Variants in FANK1 observed in about 807,000 individuals in gnomAD.
FANK1 encodes the protein fibronectin type III and ankyrin repeat domains 1.
Under a neutral mutation model 45.3 loss-of-function variants are expected in FANK1, and 44 were observed. That is an observed-to-expected ratio of 0.97 (90% CI 0.76 to 1.25). FANK1 has a LOEUF of 1.25. FANK1 is among the 50% of genes most tolerant of loss of function. The pLI, the probability that FANK1 is intolerant of heterozygous loss-of-function variation, is 0.00. For missense variants in FANK1, 391 were observed against 424.4 expected, an observed-to-expected ratio of 0.92 and a Z score of 0.69; for synonymous variants, 149 against 152.5, an observed-to-expected ratio of 0.98 and a Z score of 0.17.
intron 1 of FANK1, among the ~76,000 whole-genome samples, chr10:125,908,155 C>G (rs567651163): frequency 6.6e-6 from 1 of 152,054 alleles, no homozygotes; most frequent in South Asian, 2.1e-4. Flanking sequence ...CGCCACCACA[C>G]GCAGCTAATT....
At chr10:125,946,474 G>A (rs1948809198) in intron 1 of FANK1, among the ~76,000 whole-genome samples, 1 of 152,140 alleles carries the variant, frequency 6.6e-6, no homozygotes, top group South Asian at 2.1e-4. Context: ...GAAGCCTCAG[G>A]AGCTGATGTG....
chr10:125,996,649 C>T (rs1411028792), intron 5 of FANK1, 25 bp downstream of exon 5: 1 of 1,606,802 alleles, frequency 6.2e-7, no homozygotes, highest in Non-Finnish European at 8.5e-7. Context: ...TTTTTTAAAT[C>T]TCTCTTGGGG....
At chr10:125,932,838 G>A (rs935196144) in intron 1 of FANK1, among the ~76,000 whole-genome samples, 6 of 152,100 alleles carry the variant, frequency 3.9e-5, no homozygotes, top group Non-Finnish European at 8.8e-5. Flanking sequence ...GTTGGCTGTG[G>A]GTTTGTCATT....
At chr10:125,945,361 T>A (rs1948711890) in intron 1 of FANK1, among the ~76,000 whole-genome samples, 1 of 151,936 alleles carries the variant, frequency 6.6e-6, no homozygotes, top group Admixed American at 6.6e-5. Context: ...CACTAGGGAG[T>A]GCCAGACAGT....
intron 1 of FANK1, among the ~76,000 whole-genome samples, chr10:125,924,806 C>CAA (rs58856642): frequency 0.011 from 712 of 66,852 alleles, 1 homozygote; most frequent in African/African-American, 0.019. Flanking sequence ...GACCCCATCT[C>CAA]AAAAAAAAAA....
At position 125,983,434 on chromosome 10, in the gene FANK1, A is replaced by G. The variant is rs1951350113; in HGVS notation, c.191+3096A>G. 6.6e-6 allele frequency among the ~76,000 whole-genome samples: 1 copy of G among 152,190 alleles called. No homozygotes were observed. Among genetic ancestry groups the G allele is most frequent in the African/African-American group, 2.4e-5 (1 of 41,440 alleles). ...TCCCTCATGATGATGAAGGCAAACA[A>G]TAAATAAGATACATAAGTAAAAATA... is the stretch of plus-strand genomic sequence containing the variant. On this transcript the variant is annotated intron_variant, in intron 2 of 10. Transcript: ENST00000368693. The surrounding 1 kb of genome is among the most constrained non-coding windows in gnomAD (Gnocchi z 4.3).
intron 1 of FANK1, among the ~76,000 whole-genome samples, chr10:125,950,959 T>C (rs1290806472): frequency 6.6e-6 from 1 of 150,396 alleles, no homozygotes; most frequent in Non-Finnish European, 1.5e-5. Flanking sequence ...TGGATGAAAT[T>C]GGAAATCATC....
intron 1 of FANK1, among the ~76,000 whole-genome samples, chr10:125,921,125 A>C (rs1186187400): frequency 6.6e-6 from 1 of 152,216 alleles, no homozygotes; most frequent in Non-Finnish European, 1.5e-5. Context: ...TGAACTTTCC[A>C]ATCCGTGAAC....
chr10:125,926,708 C>T (rs1417924174), intron 1 of FANK1, among the ~76,000 whole-genome samples: 1 of 152,126 alleles, frequency 6.6e-6, no homozygotes, highest in East Asian at 1.9e-4. Context: ...TCCATATATT[C>T]ACCTGTCTTT....
At chr10:125,931,615 C>T (rs575515115) in intron 1 of FANK1, among the ~76,000 whole-genome samples, 2 of 152,072 alleles carry the variant, frequency 1.3e-5, no homozygotes, top group Non-Finnish European at 2.9e-5. Flanking sequence ...ATTAGTCCTT[C>T]GTCAGATGTA....
chr10:125,951,721 G>C lies in FANK1; in HGVS notation c.14-28440G>C, dbSNP rs140846912. 3.9e-5 allele frequency among the ~76,000 whole-genome samples: 6 copies of C among 152,162 alleles called. No homozygotes were observed. The East Asian group carries it at 1.2e-3, about 29-fold the overall frequency. ...ATAGGAGTGTTCTTGACATTTTGAG[G>C]CTCCTGCCAATCTTCATTCTTTCAA... is the stretch of plus-strand genomic sequence containing the variant. On this transcript the variant is annotated intron_variant, in intron 1 of 10. Coordinates refer to ENST00000368693, the MANE Select transcript of FANK1 (RefSeq NM_145235.5).
At chr10:125,995,974 A>G (rs1204988482) in intron 4 of FANK1, among the ~76,000 whole-genome samples, 1 of 152,248 alleles carries the variant, frequency 6.6e-6, no homozygotes, top group East Asian at 1.9e-4. Context: ...GATGTTATCT[A>G]GGTTCTTTTT....
At chr10:125,926,542 A>G (rs936778068) in intron 1 of FANK1, among the ~76,000 whole-genome samples, 5 of 152,308 alleles carry the variant, frequency 3.3e-5, no homozygotes, top group Non-Finnish European at 7.3e-5. Context: ...AAATGAAACC[A>G]TACACTGTCT....
At chr10:125,908,618 G>A (rs1353442982) in intron 1 of FANK1, among the ~76,000 whole-genome samples, 7 of 152,098 alleles carry the variant, frequency 4.6e-5, no homozygotes, top group African/African-American at 1.7e-4. Flanking sequence ...GGAGGGGGAT[G>A]AGGGAGAAAA....
chr10:125,978,440 G>A (rs1950985165), intron 1 of FANK1, among the ~76,000 whole-genome samples: 2 of 152,050 alleles, frequency 1.3e-5, no homozygotes, highest in African/African-American at 2.4e-5. Flanking sequence ...GAACAGTAAA[G>A]ATGGTGGCCT....
intron 1 of FANK1, among the ~76,000 whole-genome samples, chr10:125,905,150 A>C (rs1015208595): frequency 0.01 from 254 of 25,232 alleles, no homozygotes; most frequent in Non-Finnish European, 0.016. Context: ...AAAAAAAAAA[A>C]CAAAAAAAAC....
At chr10:125,921,981 T>G (rs1946977668) in intron 1 of FANK1, among the ~76,000 whole-genome samples, 1 of 152,214 alleles carries the variant, frequency 6.6e-6, no homozygotes, top group Non-Finnish European at 1.5e-5. Flanking sequence ...TTAGTCTGTT[T>G]TTCTTATGCC....
intron 1 of FANK1, among the ~76,000 whole-genome samples, chr10:125,967,432 C>CA (rs1950252629): frequency 6.6e-6 from 1 of 152,148 alleles, no homozygotes; most frequent in Non-Finnish European, 1.5e-5. Context: ...AACACTCATA[C>CA]AAAGTCTTGT....
At chr10:126,000,442 A>G (rs115573803) in intron 6 of FANK1, among the ~76,000 whole-genome samples, 2,735 of 152,318 alleles carry the variant, frequency 0.018, 75 homozygotes, top group African/African-American at 0.062. Context: ...ATAGATCCCT[A>G]TCTACGTAAG....
Sources: allele counts gnomAD v4.1 joint callset (sites outside exome capture counted in the v4.1 genomes callset), GRCh38; gene constraint gnomAD v4.1.1; non-coding constraint Gnocchi (gnomAD v3.1); transcripts MANE v1.5; gene names NCBI Gene and HGNC (gene_info 2026-07-23, HGNC 2026-07-21).